The following TAX1BP1 variants were observed in gnomAD, a reference collection of about 807,000 sequenced individuals.
TAX1BP1 encodes Tax1 binding protein 1.
In TAX1BP1, 62 loss-of-function variants were observed where a neutral mutation model predicts 97.7. That is an observed-to-expected ratio of 0.63 (90% CI 0.52 to 0.78). The LOEUF is 0.78. Ranked by LOEUF, TAX1BP1 falls within the 30% of genes least tolerant of loss-of-function variation. The pLI is 0.00. For synonymous variants in TAX1BP1, 340 were observed against 304.2 expected (o/e 1.12, Z -1.23); for missense variants, 867 against 916.1 (o/e 0.95, Z 0.69).
chr7:27,749,911 C>T (rs1426241711), intron 2 of TAX1BP1, among the ~76,000 whole-genome samples: 1 of 152,100 alleles, frequency 6.6e-6, no homozygotes, highest in Non-Finnish European at 1.5e-5. Context: ...TTCCCCGCAG[C>T]CTTCCAAATA....
intron 13 of TAX1BP1, among the ~76,000 whole-genome samples, chr7:27,811,249 C>T (rs1207606461): frequency 6.6e-6 from 1 of 152,200 alleles, no homozygotes; most frequent in Non-Finnish European, 1.5e-5. Flanking sequence ...GGAATGCCAT[C>T]TTAACCTCAC....
At chr7:27,791,844 AG>A (rs1360034204) in intron 8 of TAX1BP1, among the ~76,000 whole-genome samples, 161 bp from the exon 9 acceptor site, 2 of 152,192 alleles carry the variant, frequency 1.3e-5, no homozygotes, top group African/African-American at 4.8e-5. Flanking sequence ...CCTAAAACAA[AG>A]TTACTTCTTA....
intron 5 of TAX1BP1, among the ~76,000 whole-genome samples, chr7:27,784,434 T>A (rs559962571): frequency 5.8e-4 from 88 of 152,264 alleles, no homozygotes; most frequent in African/African-American, 2.1e-3. Context: ...TTTGTCTTAG[T>A]GTCTTTGAAT....
rs1378500028 is a variant in TAX1BP1 at position 27,751,772 on chromosome 7, G to GTTA, written c.162+3087_162+3088insTAT. ...ATGGGAAAGTAGTATGCTTGAGAAA[G>GTTA]TGTTAAGGAATTTGATTTGCCTGGG... On this transcript the variant is annotated intron_variant, in intron 2 of 16. Coordinates refer to ENST00000396319, the MANE Select transcript of TAX1BP1 (RefSeq NM_006024.7). Among the ~76,000 whole-genome samples, 5 of 152,166 alleles carry GTTA rather than the reference G, an allele frequency of 3.3e-5. No individual in the cohort carries two copies. In the South Asian group the frequency reaches 6.2e-4, roughly 19 times the overall value.
chr7:27,816,557 C>A, intron 14 of TAX1BP1, 37 bp downstream of exon 14: 1 of 1,483,988 alleles, frequency 6.7e-7, no homozygotes, highest in South Asian at 1.4e-5. Context: ...TTAGCTGCAT[C>A]TGGAGATTTT....
intron 13 of TAX1BP1, among the ~76,000 whole-genome samples, chr7:27,813,127 T>A (rs987308856): frequency 4.7e-5 from 7 of 149,618 alleles, no homozygotes; most frequent in Admixed American, 3.3e-4. Flanking sequence ...GTTTCATAAG[T>A]CCTCCAACTT....
intron 5 of TAX1BP1, among the ~76,000 whole-genome samples, chr7:27,779,697 G>T (rs1023595144): frequency 6.6e-6 from 1 of 152,306 alleles, no homozygotes; most frequent in African/African-American, 2.4e-5. Flanking sequence ...TAAAGTTTTT[G>T]TTGTTCTTAA....
chr7:27,811,199 G>C (rs1318581482), intron 13 of TAX1BP1, among the ~76,000 whole-genome samples: 2 of 152,056 alleles, frequency 1.3e-5, no homozygotes, highest in Non-Finnish European at 2.9e-5. Context: ...AATTTCACAA[G>C]TCTTATTTTT....
chr7:27,784,469 C>T (rs1789390055), intron 5 of TAX1BP1, among the ~76,000 whole-genome samples: 2 of 152,128 alleles, frequency 1.3e-5, no homozygotes, highest in Non-Finnish European at 2.9e-5. Context: ...CTGAGTCACA[C>T]TGGCAAGAAG....
intron 3 of TAX1BP1, among the ~76,000 whole-genome samples, chr7:27,760,164 A>G (rs923654405): frequency 6.6e-6 from 1 of 151,438 alleles, no homozygotes; most frequent in Non-Finnish European, 1.5e-5. Context: ...CTAAATCTTT[A>G]AAATGAAACC....
intron 4 of TAX1BP1, among the ~76,000 whole-genome samples, chr7:27,769,346 G>C (rs1788758713): frequency 6.6e-6 from 1 of 151,858 alleles, no homozygotes; most frequent in Non-Finnish European, 1.5e-5. Flanking sequence ...TATTACTGTG[G>C]ATAAGAAAGC....
chr7:27,817,188 T>C, intron 15 of TAX1BP1, 150 bp downstream of exon 15: 1 of 954,426 alleles, frequency 1.0e-6, no homozygotes, highest in Non-Finnish European at 1.5e-6. Flanking sequence ...CACAATTGCC[T>C]ACTTGATTTT....
chr7:27,747,500 AG>A (rs1787870983), intron 1 of TAX1BP1, among the ~76,000 whole-genome samples: 1 of 152,214 alleles, frequency 6.6e-6, no homozygotes. Context: ...ACATGTGGAA[AG>A]GGTACGTGAA....
rs775699957 is a variant in TAX1BP1, at chr7:27,828,745, G to T, written c.2286G>T (p.Glu762Asp). 6.2e-7 allele frequency: 1 copy of T among 1,614,020 alleles called. No homozygotes were observed. Among genetic ancestry groups the T allele is most frequent in the Non-Finnish European group, 8.5e-7 (1 of 1,179,982 alleles). ...SHWKVCPMCS[E>D]QFPPDYDQQV... ...GGAAGGTGTGCCCGATGTGCAGCGA[G>T]CAGTTCCCTCCTGACTATGACCAGC... Residue 762 changes from glutamate (E) to aspartate (D), a missense_variant, in exon 17 of 17, where the codon GAG becomes GAT. By Grantham distance (45) the Glu-to-Asp change is conservative. Coordinates refer to ENST00000396319, the MANE Select transcript of TAX1BP1 (RefSeq NM_006024.7).
chr7:27,816,584 T>C lies in TAX1BP1; in HGVS notation c.1936+64T>C, dbSNP rs909647584. 2.9e-6 allele frequency: 4 copies of C among 1,365,952 alleles called. No homozygotes were observed. The African/African-American group carries it at 4.5e-5, about 15-fold the overall frequency. The allele number at this position is 1,365,952 out of a possible 1,614,324, so 84.6% of individuals were successfully genotyped here. The stretch of plus-strand genomic sequence containing the variant: ...GGAGATTTTTTTATGGTTTATATTT[T>C]CATGGATTAGCAAACTGCTGGTATA... On this transcript the variant is annotated intron_variant, in intron 14 of 16. Transcript: ENST00000396319.
At chr7:27,802,047 G>C (rs1562732756) in intron 13 of TAX1BP1, among the ~76,000 whole-genome samples, 1 of 152,184 alleles carries the variant, frequency 6.6e-6, no homozygotes, top group Admixed American at 6.5e-5. Context: ...ATTAAGACAC[G>C]TTTGGAGTTC....
intron 3 of TAX1BP1, among the ~76,000 whole-genome samples, chr7:27,761,375 G>A (rs1788419102): frequency 1.3e-5 from 2 of 152,108 alleles, no homozygotes; most frequent in Admixed American, 1.3e-4. Flanking sequence ...TTCACTGTGT[G>A]ATGTAAATTC....
chr7:27,762,811 G>C (rs1262141635), intron 3 of TAX1BP1, among the ~76,000 whole-genome samples: 1 of 152,060 alleles, frequency 6.6e-6, no homozygotes, highest in Non-Finnish European at 1.5e-5. Flanking sequence ...AATTAGCCAG[G>C]CATGGTGGTG....
intron 5 of TAX1BP1, among the ~76,000 whole-genome samples, chr7:27,784,661 C>G (rs1446960200): frequency 6.6e-6 from 1 of 152,028 alleles, no homozygotes; most frequent in Non-Finnish European, 1.5e-5. Context: ...GTAAAATCAA[C>G]ATACAGGGTA....
Sources: allele counts gnomAD v4.1 joint callset (sites outside exome capture counted in the v4.1 genomes callset), GRCh38; gene constraint gnomAD v4.1.1; transcripts MANE v1.5; gene names NCBI Gene and HGNC (gene_info 2026-07-23, HGNC 2026-07-21).